Variants in PITPNM3 observed in about 807,000 individuals in gnomAD.
PITPNM3 encodes membrane-associated phosphatidylinositol transfer protein 3.
Under a neutral mutation model 102.0 loss-of-function variants are expected in PITPNM3, and 26 were observed. The observed-to-expected ratio is 0.25, with a 90% CI of 0.19 to 0.35. The LOEUF is 0.35. Ranked by LOEUF, PITPNM3 falls within the 10% of genes least tolerant of loss-of-function variation. The pLI is 1.00. For synonymous variants in PITPNM3, 578 were observed against 558.6 expected (o/e 1.03, Z -0.49); for missense variants, 1,083 against 1,346.1 (o/e 0.80, Z 3.06).
rs1367039545 is a variant in PITPNM3 at position 6,478,302 on chromosome 17, G to A, written c.778-205C>T. 6.6e-6 allele frequency among the ~76,000 whole-genome samples: 1 copy of A among 152,256 alleles called. No individual in the cohort carries two copies. The highest frequency in any genetic ancestry group is 1.5e-5 in the Non-Finnish European group (1 of 68,040). The stretch of plus-strand genomic sequence containing the variant: ...AGGCCAGCCCAAGGACGGGGAGTAG[G>A]CTACTCTCAGGGGTCAGACTTGGGC... On this transcript the variant is annotated intron_variant, in intron 7 of 19. Coordinates refer to ENST00000262483, the MANE Select transcript of PITPNM3 (RefSeq NM_031220.4). The surrounding 1 kb of genome is among the most constrained non-coding windows in gnomAD (Gnocchi z 4.4).
Position 6,517,786 on chromosome 17 carries a change from C to G in PITPNM3, c.226+7570G>C, listed in dbSNP as rs1018509552. Among the ~76,000 whole-genome samples the G allele has an allele frequency of 6.6e-6, 1 of 152,260 alleles. No individual in the cohort carries two copies. Among genetic ancestry groups the G allele is most frequent in the South Asian group, 2.1e-4 (1 of 4,822 alleles). On this transcript the variant is annotated intron_variant, in intron 3 of 19. Coordinates refer to ENST00000262483, the MANE Select transcript of PITPNM3 (RefSeq NM_031220.4). This position sits in a 1 kb window ranked among gnomAD's most constrained non-coding sequence, Gnocchi z 4.1. ...CTTTACCCAGGCTGGTCCCAAATTC[C>G]TGGGCTCAAGCGATCCTCCCACCTC...
At chr17:6,479,014 C>T (rs2150732902) in intron 6 of PITPNM3, 1 of 474,962 alleles carries the variant, frequency 2.1e-6, no homozygotes, top group East Asian at 3.4e-5. Context: ...CTATTGCCCT[C>T]TTCTGCATGG....
intron 2 of PITPNM3, among the ~76,000 whole-genome samples, chr17:6,528,889 G>A (rs1908991155): frequency 1.3e-5 from 2 of 152,196 alleles, no homozygotes; most frequent in South Asian, 4.1e-4. Flanking sequence ...GGGAGCTGCA[G>A]GGCTCAGCTT....
intron 3 of PITPNM3, among the ~76,000 whole-genome samples, chr17:6,523,371 C>G (rs931059719): frequency 6.6e-6 from 1 of 152,188 alleles, no homozygotes; most frequent in African/African-American, 2.4e-5. Context: ...CCTGACCACA[C>G]AGCCATGGAG....
intron 4 of PITPNM3, among the ~76,000 whole-genome samples, chr17:6,493,786 C>T (rs991943847): frequency 1.3e-5 from 2 of 152,232 alleles, no homozygotes; most frequent in Non-Finnish European, 2.9e-5. Context: ...GGGCCTGGCC[C>T]TTGCGAGGGC....
chr17:6,543,227 G>C (rs1909822692), intron 1 of PITPNM3, among the ~76,000 whole-genome samples: 1 of 152,188 alleles, frequency 6.6e-6, no homozygotes, highest in East Asian at 1.9e-4. Context: ...CTCAGGTCCA[G>C]GGTGGTCTCC....
Position 6,468,423 on chromosome 17 carries a change from G to A in PITPNM3, c.1774-82C>T. On this transcript the variant is annotated intron_variant, in intron 13 of 19. Coordinates refer to ENST00000262483, the MANE Select transcript of PITPNM3 (RefSeq NM_031220.4). The surrounding 1 kb of genome is among the most constrained non-coding windows in gnomAD (Gnocchi z 5.2). ...CCAGGGTGTCAGTGCCCACCAGCTT[G>A]TGGCCAGCTGGGCCCTGCCCCTGCA... 5 of 1,391,424 alleles carry A rather than the reference G, an allele frequency of 3.6e-6. No homozygotes were observed. The highest frequency in any genetic ancestry group is 4.1e-6 in the Non-Finnish European group (4 of 980,734). 86.2% of individuals were successfully genotyped at this position (1,391,424 alleles called of 1,614,324 possible).
intron 2 of PITPNM3, among the ~76,000 whole-genome samples, chr17:6,533,550 G>A (rs1232136481): frequency 1.3e-5 from 2 of 151,888 alleles, no homozygotes; most frequent in Non-Finnish European, 2.9e-5. Flanking sequence ...TGCCTCCTGG[G>A]TTCAAGCGAT....
In PITPNM3 at chr17:6,525,413, T is replaced by C; in HGVS notation, c.169A>G (p.Asn57Asp). The C allele has an allele frequency of 1.2e-6, 2 of 1,614,204 alleles. No homozygotes were observed. Among genetic ancestry groups the C allele is most frequent in the East Asian group, 2.2e-5 (1 of 44,884 alleles). Reference protein sequence around the residue: ...NAILIGMSQWNSNDLVEQIET... With the variant: ...NAILIGMSQWDSNDLVEQIET... ...ATCTGCTCCACGAGGTCATTGGAGT[T>C]CCACTGGCTCATCCCAATGAGGATG... Residue 57 changes from asparagine (N) to aspartate (D), a missense_variant, in exon 3 of 20, where the codon AAC (asparagine) becomes GAC (aspartate). Physicochemically the swap from Asn to Asp is conservative, Grantham distance 23 (BLOSUM62 1). Around this residue, in one of 5 missense-constraint regions of PITPNM3, gnomAD observed 290 missense variants for 337.8 expected, o/e 0.86. Transcript: ENST00000262483.
In PITPNM3 at chr17:6,544,654, T is replaced by TCTCTCTCTCTCTCTCA. The variant is rs376230474; in HGVS notation, c.23-6573_23-6572insTGAGAGAGAGAGAGAG. ...CTCTCTCTCTCTCTCTCTCTCTCTC[T>TCTCTCTCTCTCTCTCA]CACACACACACACACACACACACAA... On this transcript the variant is annotated intron_variant, in intron 1 of 19. Transcript: ENST00000262483. 3.5e-4 allele frequency among the ~76,000 whole-genome samples: 46 copies of TCTCTCTCTCTCTCTCA among 130,270 alleles called. 1 individual carries two copies. Among genetic ancestry groups the TCTCTCTCTCTCTCTCA allele is most frequent in the Non-Finnish European group, 5.1e-4 (32 of 63,222 alleles). 85.5% of individuals were successfully genotyped at this position (130,270 alleles called of 152,430 possible). A position where few individuals can be genotyped will look rare whatever the true frequency, so the allele number is the denominator to read the frequency against.
intron 3 of PITPNM3, among the ~76,000 whole-genome samples, chr17:6,506,340 T>C: frequency 6.6e-6 from 1 of 151,730 alleles, no homozygotes; most frequent in Admixed American, 6.6e-5. Context: ...CTTTCTCTCC[T>C]TCCTTCCTTC....
intron 4 of PITPNM3, among the ~76,000 whole-genome samples, chr17:6,488,086 G>A (rs1024281132): frequency 6.6e-6 from 1 of 151,922 alleles, no homozygotes; most frequent in Non-Finnish European, 1.5e-5. Context: ...CCCACAGAAA[G>A]GCACACCTCC....
At chr17:6,491,802 T>A (rs1213800123) in intron 4 of PITPNM3, among the ~76,000 whole-genome samples, 3 of 139,910 alleles carry the variant, frequency 2.1e-5, no homozygotes, top group Non-Finnish European at 4.6e-5. Flanking sequence ...TTTCTCTAGA[T>A]GCTGGGACAA....
At chr17:6,506,365 C>A (rs1907509092) in intron 3 of PITPNM3, among the ~76,000 whole-genome samples, 1 of 137,776 alleles carries the variant, frequency 7.3e-6, no homozygotes, top group African/African-American at 2.8e-5. Flanking sequence ...CTATTCTTTT[C>A]TTTTCCTTTC....
At chr17:6,483,876 G>A in intron 5 of PITPNM3, 124 bp from the exon 6 acceptor site, 1 of 881,894 alleles carries the variant, frequency 1.1e-6, no homozygotes, top group Non-Finnish European at 1.8e-6. Context: ...CGGGGAGACT[G>A]AGGCCAGAGA....
chr17:6,457,193 T>C lies in PITPNM3; in HGVS notation c.2619+401A>G, dbSNP rs919308541. ...TTTGCTGCTGCCTCTGTCACAAATA[T>C]TCTTCTCAATCTCAGGCCCTTCCTG... is the stretch of plus-strand genomic sequence containing the variant. On this transcript the variant is annotated intron_variant, in intron 19 of 19. Transcript: ENST00000262483. This position sits in a 1 kb window ranked among gnomAD's most constrained non-coding sequence, Gnocchi z 4.7. Among the ~76,000 whole-genome samples, 2 of 152,152 alleles carry C rather than the reference T, an allele frequency of 1.3e-5. No individual in the cohort carries two copies. Among genetic ancestry groups the C allele is most frequent in the Non-Finnish European group, 2.9e-5 (2 of 68,026 alleles).
intron 4 of PITPNM3, among the ~76,000 whole-genome samples, chr17:6,498,778 A>T (rs1307353876): frequency 1.3e-5 from 2 of 152,168 alleles, no homozygotes; most frequent in South Asian, 2.1e-4. Flanking sequence ...GGATGGTGCC[A>T]TTCACACTGG....
chr17:6,454,697 G>A lies in PITPNM3; in HGVS notation c.*641C>T, dbSNP rs4796331. The stretch of plus-strand genomic sequence containing the variant: ...ACAGGGAAATGGTGAGGACACTGAG[G>A]ACAACGGGGGTTGGGGACAATGGAC... On this transcript the variant is annotated 3_prime_UTR_variant, in exon 20 of 20. Transcript: ENST00000262483. 109,431 of 152,448 alleles carry A rather than the reference G, an allele frequency of 0.72. 40,062 individuals carry two copies. Among genetic ancestry groups the A allele is most frequent in the Non-Finnish European group, 0.79 (53,854 of 68,268 alleles). 9.4% of individuals were successfully genotyped at this position (152,448 alleles called of 1,614,324 possible). A position where few individuals can be genotyped will look rare whatever the true frequency, so the allele number is the denominator to read the frequency against.
chr17:6,548,847 C>T (rs769531153), intron 1 of PITPNM3, among the ~76,000 whole-genome samples: 5 of 152,146 alleles, frequency 3.3e-5, no homozygotes, highest in African/African-American at 4.8e-5. Flanking sequence ...CAGAACTCAA[C>T]GCCCCTCCCA....
Sources: allele counts gnomAD v4.1 joint callset (sites outside exome capture counted in the v4.1 genomes callset), GRCh38; gene constraint gnomAD v4.1.1; regional missense constraint gnomAD v4.1.1; non-coding constraint Gnocchi (gnomAD v3.1); transcripts MANE v1.5; gene names NCBI Gene and HGNC (gene_info 2026-07-23, HGNC 2026-07-21).